The following CITED2 variants were observed in gnomAD, a reference collection of about 807,000 sequenced individuals.
CITED2 encodes Cbp/p300 interacting transactivator with ED-rich tail 2, also known as cbp/p300-interacting transactivator 2.
CITED2 carries 2 observed loss-of-function variants against 11.8 expected under a neutral mutation model. That is an observed-to-expected ratio of 0.17 (90% CI 0.07 to 0.54). The LOEUF is 0.54. CITED2 is among the 20% of genes least tolerant of loss of function. The pLI is 0.94. For synonymous variants in CITED2, 210 were observed against 153.0 expected (o/e 1.37, Z -2.75); for missense variants, 437 against 390.2 (o/e 1.12, Z -1.01).
intron 1 of CITED2, 80 bp downstream of exon 1, chr6:139,374,333 A>C (rs1754574681): frequency 3.1e-6 from 2 of 636,050 alleles, no homozygotes; most frequent in Non-Finnish European, 5.0e-6. Context: ...GCTTCGCCTC[A>C]CGCTCTTCCT....
In CITED2 at chr6:139,373,783, C is replaced by T. The variant is rs1008252451; in HGVS notation, c.162G>A (p.Glu54=). The change falls in exon 2 of 2, where the codon GAG becomes GAA. Residue 54 remains glutamate (E), a synonymous_variant. Coordinates refer to ENST00000367651, the MANE Select transcript of CITED2 (RefSeq NM_006079.5). ...TGTTGCCCGCGCCGTAGTGTATGTGCTCGCCCATTAGGGCGTTGAAGGCGT... is the reference window on the plus strand; with the variant it reads ...TGTTGCCCGCGCCGTAGTGTATGTGTTCGCCCATTAGGGCGTTGAAGGCGT... ...PQHAFNALMG[E]HIHYGAGNMN... 5.6e-6 allele frequency: 9 copies of T among 1,610,510 alleles called. No homozygotes were observed. In the East Asian group the frequency reaches 8.9e-5, roughly 16 times the overall value.
In CITED2 at chr6:139,373,814, GGCT is replaced by G. The variant is rs772093152; in HGVS notation, c.128_130del (p.Gln43del). On this transcript the variant is annotated inframe_deletion, in exon 2 of 2. Coordinates refer to ENST00000367651, the MANE Select transcript of CITED2 (RefSeq NM_006079.5). Reference sequence around the variant, plus strand: ...CATTAGGGCGTTGAAGGCGTGCTGGGGCTGCTGCTGCTGGTGGTGATGGGGGCT... The same window carrying G: ...CATTAGGGCGTTGAAGGCGTGCTGGGGCTGCTGCTGGTGGTGATGGGGGCT... The G allele has an allele frequency of 1.8e-5, 29 of 1,608,690 alleles. No homozygotes were observed. Among genetic ancestry groups the G allele is most frequent in the Non-Finnish European group, 2.0e-5 (24 of 1,179,966 alleles).
In CITED2 at chr6:139,373,565, T is replaced by C; in HGVS notation, c.380A>G (p.His127Arg). 1.9e-6 allele frequency: 3 copies of C among 1,613,402 alleles called. No homozygotes were observed. Among genetic ancestry groups the C allele is most frequent in the Non-Finnish European group, 2.5e-6 (3 of 1,179,824 alleles). Reference sequence around the variant, plus strand: ...CATGTAGTGGTTGTGGGGGTAGGGGTGATGGTTGAAATACTGGTTGTTGAG... The same window carrying C: ...CATGTAGTGGTTGTGGGGGTAGGGGCGATGGTTGAAATACTGGTTGTTGAG... ...QKLNNQYFNH[H>R]PYPHNHYMPD... The change falls in exon 2 of 2, where the codon CAC becomes CGC. Residue 127 changes from histidine (H) to arginine (R), a missense_variant. Physicochemically the swap from His to Arg is conservative, Grantham distance 29. This residue lies in a region of CITED2 where 396 missense variants were observed against 325.2 expected (regional missense o/e 1.22). Transcript: ENST00000367651.
At chr6:139,374,304 A>G in intron 1 of CITED2, 109 bp downstream of exon 1, 1 of 818,472 alleles carries the variant, frequency 1.2e-6, no homozygotes, top group Non-Finnish European at 1.8e-6. Context: ...GTTGTTGCAC[A>G]TCCTGTTGTT....
Position 139,373,288 on chromosome 6 carries a change from G to A in CITED2, c.657C>T (p.Asp219=), listed in dbSNP as rs138728110. 2.1e-4 allele frequency: 346 copies of A among 1,613,958 alleles called. 2 individuals are homozygous for A. The African/African-American group carries it at 3.9e-3, about 18-fold the overall frequency. ...GAACTTCCTCGTCGATGAAATCAGT[G>A]TCTATGACATTGGGCGGCAGCATTG... ...PAAMLPPNVI[D]TDFIDEEVLM... is the part of the protein sequence containing the mutation. The change falls in exon 2 of 2, where the codon GAC becomes GAT. Residue 219 remains aspartate (D), a synonymous_variant. Transcript: ENST00000367651.
rs776123405 is a variant in CITED2 at position 139,373,432 on chromosome 6, G to A, written c.513C>T (p.Gly171=). ...SGGSSTPGGS[G]GSSTPGGSGS... ...CAGAGCCGCCGGGGGTGCTGCTGCCGCCCGAGCCGCCGGGGGTGCTGCTGC... is the reference window on the plus strand; with the variant it reads ...CAGAGCCGCCGGGGGTGCTGCTGCCACCCGAGCCGCCGGGGGTGCTGCTGC... The change falls in exon 2 of 2, where the codon GGC becomes GGT. Residue 171 remains glycine, a synonymous_variant. Transcript: ENST00000367651. 4 of 1,522,508 alleles carry A rather than the reference G, an allele frequency of 2.6e-6. No individual in the cohort carries two copies. Among genetic ancestry groups the A allele is most frequent in the Admixed American group, 2.1e-5 (1 of 47,804 alleles). The allele number at this position is 1,522,508 out of a possible 1,614,324, so 94.3% of individuals were successfully genotyped here.
At position 139,372,690 on chromosome 6, in the gene CITED2, G is replaced by C. The variant is rs559098499; in HGVS notation, c.*442C>G. On this transcript the variant is annotated 3_prime_UTR_variant, in exon 2 of 2. Transcript: ENST00000367651. ...GATGGCAGTTTGTGCAGTAATATCT[G>C]CCCTTCGAAGTTCATGCAACCAACT... 2.0e-4 allele frequency: 46 copies of C among 229,546 alleles called. No homozygotes were observed. The highest frequency in any genetic ancestry group is 1.0e-3 in the African/African-American group (45 of 44,218). The allele number at this position is 229,546 out of a possible 1,614,324, so 14.2% of individuals were successfully genotyped here.
rs983975688 is a variant in CITED2, at chr6:139,372,148, AT to A, written c.*983del. 1 of 152,166 alleles carries A rather than the reference AT, an allele frequency of 6.6e-6. No individual in the cohort carries two copies. Among genetic ancestry groups the A allele is most frequent in the Admixed American group, 6.5e-5 (1 of 15,282 alleles). The allele number at this position is 152,166 out of a possible 1,614,324, so 9.4% of individuals were successfully genotyped here. On this transcript the variant is annotated 3_prime_UTR_variant, in exon 2 of 2. Transcript: ENST00000367651. ...TCATGACCTGTTTTAGTGTCCTGTA[AT>A]TTATCCTTTGGAATGCTTACTCTCA...
At chr6:139,374,377 G>T in intron 1 of CITED2, 36 bp downstream of exon 1, 1 of 507,178 alleles carries the variant, frequency 2.0e-6, no homozygotes, top group Non-Finnish European at 3.4e-6. Flanking sequence ...GACTGGGCTG[G>T]CAAGAGCCCC....
rs1418311802 is a variant in CITED2, at chr6:139,373,048, G to A, written c.*84C>T. ...AAACCTTTCAAGATCTGAAAAGTGAGATACTGTGTCTAAGGGAATGTTTCT... is the reference window on the plus strand; with the variant it reads ...AAACCTTTCAAGATCTGAAAAGTGAAATACTGTGTCTAAGGGAATGTTTCT... On this transcript the variant is annotated 3_prime_UTR_variant, in exon 2 of 2. Coordinates refer to ENST00000367651, the MANE Select transcript of CITED2 (RefSeq NM_006079.5). The A allele has an allele frequency of 1.1e-5, 13 of 1,229,146 alleles. No individual in the cohort carries two copies. Among genetic ancestry groups the A allele is most frequent in the East Asian group, 2.3e-5 (1 of 43,162 alleles). 76.1% of individuals were successfully genotyped at this position (1,229,146 alleles called of 1,614,324 possible). A position where few individuals can be genotyped will look rare whatever the true frequency, so the allele number is the denominator to read the frequency against.
chr6:139,373,680 G>C lies in CITED2; in HGVS notation c.265C>G (p.Pro89Ala), dbSNP rs1184341654. 6.2e-7 allele frequency: 1 copy of C among 1,611,844 alleles called. No individual in the cohort carries two copies. The highest frequency in any genetic ancestry group is 1.3e-5 in the African/African-American group (1 of 75,010). ...NGGHPPSALA[P>A]AARFNNSQFM... ...TGGGAGTTGTTAAACCTGGCCGCGG[G>C]GGCCAGCGCGCTCGGGGGGTGCCCT... The change falls in exon 2 of 2, where the codon CCC (proline) becomes GCC (alanine). Residue 89 changes from proline (P) to alanine (A), a missense_variant. This residue lies in a region of CITED2 where 396 missense variants were observed against 325.2 expected (regional missense o/e 1.22). Coordinates refer to ENST00000367651, the MANE Select transcript of CITED2 (RefSeq NM_006079.5).
Position 139,372,866 on chromosome 6 carries a change from G to A in CITED2, c.*266C>T. ...AGGGAAAGGAGTAAAAACAAACAAC[G>A]AAAAAGACCAAGTTAGCTAGATATT... On this transcript the variant is annotated 3_prime_UTR_variant, in exon 2 of 2. Coordinates refer to ENST00000367651, the MANE Select transcript of CITED2 (RefSeq NM_006079.5). The A allele has an allele frequency of 2.0e-6, 1 of 506,730 alleles. No individual in the cohort carries two copies. Among genetic ancestry groups the A allele is most frequent in the Non-Finnish European group, 3.6e-6 (1 of 279,472 alleles). 31.4% of individuals were successfully genotyped at this position (506,730 alleles called of 1,614,324 possible). A position where few individuals can be genotyped will look rare whatever the true frequency, so the allele number is the denominator to read the frequency against.
At position 139,373,930 on chromosome 6, in the gene CITED2, C is replaced by T. The variant is rs574788592; in HGVS notation, c.15G>A (p.Met5Ile). Residue 5 changes from methionine (M) to isoleucine (I), a missense_variant, in exon 2 of 2, where the codon ATG (methionine) becomes ATA (isoleucine). Coordinates refer to ENST00000367651, the MANE Select transcript of CITED2 (RefSeq NM_006079.5). MADH[M>I]MAMNHGRFPD... ...GGAAGCGCCCGTGGTTCATGGCCAT[C>T]ATATGGTCTGCCATTTCCAGTCCTG... is the stretch of plus-strand genomic sequence containing the variant. 1.9e-6 allele frequency: 3 copies of T among 1,598,932 alleles called. No homozygotes were observed. Among genetic ancestry groups the T allele is most frequent in the Non-Finnish European group, 2.5e-6 (3 of 1,179,836 alleles).
Position 139,373,657 on chromosome 6 carries a change from G to C in CITED2, c.288C>G (p.Ser96=). The change falls in exon 2 of 2, where the codon TCC becomes TCG. Residue 96 remains serine (S), a synonymous_variant. Coordinates refer to ENST00000367651, the MANE Select transcript of CITED2 (RefSeq NM_006079.5). ...ALAPAARFNN[S]QFMGPPVASQ... is the part of the protein sequence containing the mutation. ...TGGCCACCGGGGGACCCATGAACTG[G>C]GAGTTGTTAAACCTGGCCGCGGGGG... 2 of 1,613,574 alleles carry C rather than the reference G, an allele frequency of 1.2e-6. No homozygotes were observed. The highest frequency in any genetic ancestry group is 1.7e-6 in the Non-Finnish European group (2 of 1,179,824).
rs751414482 is a variant in CITED2 at position 139,373,410 on chromosome 6, A to C, written c.535T>G (p.Ser179Ala). ...GSGGSSTPGG[S>A]GSSSGGGAGS... ...GCGCCGCCGCCCGAGCTGCTGCCAG[A>C]GCCGCCGGGGGTGCTGCTGCCGCCC... The change falls in exon 2 of 2, where the codon TCT (serine) becomes GCT (alanine). Residue 179 changes from serine to alanine, a missense_variant. Around this residue, in one of 3 missense-constraint regions of CITED2, gnomAD observed 396 missense variants for 325.2 expected, o/e 1.22. Transcript: ENST00000367651. 3.2e-6 allele frequency: 5 copies of C among 1,549,516 alleles called. No homozygotes were observed. The highest frequency in any genetic ancestry group is 1.4e-5 in the African/African-American group (1 of 70,528).
intron 1 of CITED2, 46 bp downstream of exon 1, chr6:139,374,367 G>A (rs1055080697): frequency 3.5e-5 from 19 of 543,770 alleles, no homozygotes; most frequent in Admixed American, 1.8e-4. Flanking sequence ...GCCCTCGGAG[G>A]ACTGGGCTGG....
In CITED2 at chr6:139,372,497, C is replaced by T. The variant is rs1207450272; in HGVS notation, c.*635G>A. On this transcript the variant is annotated 3_prime_UTR_variant, in exon 2 of 2. Coordinates refer to ENST00000367651, the MANE Select transcript of CITED2 (RefSeq NM_006079.5). ...ACGACATTCCACACCCTATTATCAT[C>T]TGTACATATGGGGGTGGGGGGGGCG... The T allele has an allele frequency of 7.7e-6, 1 of 129,334 alleles. No homozygotes were observed. The highest frequency in any genetic ancestry group is 2.2e-4 in the East Asian group (1 of 4,502). 8.0% of individuals were successfully genotyped at this position (129,334 alleles called of 1,614,324 possible).
chr6:139,373,869 G>A lies in CITED2; in HGVS notation c.76C>T (p.His26Tyr). Residue 26 changes from histidine (H) to tyrosine (Y), a missense_variant, in exon 2 of 2, where the codon CAC becomes TAC. Physicochemically the swap from His to Tyr is moderately conservative, Grantham distance 83. Coordinates refer to ENST00000367651, the MANE Select transcript of CITED2 (RefSeq NM_006079.5). ...GTNGLHHHPA[H>Y]RMGMGQFPSP... is the part of the protein sequence containing the mutation. ...GGGAACTGCCCCATGCCCATGCGGT[G>A]GGCAGGGTGATGGTGCAGCCCATTG... 6.2e-7 allele frequency: 1 copy of A among 1,602,994 alleles called. No individual in the cohort carries two copies. The highest frequency in any genetic ancestry group is 2.2e-5 in the East Asian group (1 of 44,872).
rs1471901471 is a variant in CITED2 at position 139,373,453 on chromosome 6, G to A, written c.492C>T (p.Ser164=). 6.4e-7 allele frequency: 1 copy of A among 1,555,642 alleles called. No homozygotes were observed. The highest frequency in any genetic ancestry group is 1.2e-5 in the South Asian group (1 of 81,380). Reference sequence around the variant, plus strand: ...TGCCGCCCGAGCCGCCGGGGGTGCTGCTGCCGCCGCTGTGCTTGGGGTTGC... The same window carrying A: ...TGCCGCCCGAGCCGCCGGGGGTGCTACTGCCGCCGCTGTGCTTGGGGTTGC... ...RDCNPKHSGG[S]STPGGSGGSS... Residue 164 remains serine (S), a synonymous_variant, in exon 2 of 2, where the codon AGC becomes AGT. Coordinates refer to ENST00000367651, the MANE Select transcript of CITED2 (RefSeq NM_006079.5).
Sources: allele counts gnomAD v4.1 joint callset, GRCh38; gene constraint gnomAD v4.1.1; regional missense constraint gnomAD v4.1.1; transcripts MANE v1.5; gene names NCBI Gene and HGNC (gene_info 2026-07-23, HGNC 2026-07-21).